The following PEBP4 variants were observed in gnomAD, a reference collection of about 807,000 sequenced individuals.
The protein encoded by PEBP4 is phosphatidylethanolamine binding protein 4.
In PEBP4, 22 loss-of-function variants were observed where a neutral mutation model predicts 23.9. That is an observed-to-expected ratio of 0.92 (90% CI 0.66 to 1.31). PEBP4 has a LOEUF of 1.31. Among genes scored for constraint, PEBP4 ranks in the 40% most tolerant of loss-of-function variants. The pLI, the probability that PEBP4 is intolerant of heterozygous loss-of-function variation, is 0.00. For synonymous variants in PEBP4, 112 were observed against 99.3 expected (o/e 1.13, Z -0.76); for missense variants, 324 against 281.7 (o/e 1.15, Z -1.07).
intron 4 of PEBP4, among the ~76,000 whole-genome samples, chr8:22,745,260 G>A (rs1328982848): frequency 1.3e-5 from 2 of 152,154 alleles, no homozygotes; most frequent in African/African-American, 4.8e-5. Flanking sequence ...CTCGACTTAG[G>A]GGACCCTGTG....
chr8:22,796,868 A>C (rs1476596163), intron 4 of PEBP4, among the ~76,000 whole-genome samples: 1 of 152,110 alleles, frequency 6.6e-6, no homozygotes. Flanking sequence ...GGTGATGGGT[A>C]CACTGAAAGC....
intron 4 of PEBP4, among the ~76,000 whole-genome samples, chr8:22,743,006 C>T (rs929662873): frequency 2.6e-5 from 4 of 152,112 alleles, no homozygotes; most frequent in African/African-American, 9.7e-5. Flanking sequence ...TGCATAGACT[C>T]TCTGCCAGCT....
intron 3 of PEBP4, among the ~76,000 whole-genome samples, chr8:22,833,348 T>C (rs1232769333): frequency 6.6e-6 from 1 of 152,182 alleles, no homozygotes; most frequent in Non-Finnish European, 1.5e-5. Context: ...TTCTGTTTTT[T>C]TGAGATAGGG....
At chr8:22,714,244 G>A (rs887221881) in intron 6 of PEBP4, among the ~76,000 whole-genome samples, 7 of 152,192 alleles carry the variant, frequency 4.6e-5, no homozygotes, top group African/African-American at 1.7e-4. Flanking sequence ...TGGGGCAAGT[G>A]TGAACAGGCC....
At chr8:22,804,462 TTTTC>T (rs766553423) in intron 4 of PEBP4, among the ~76,000 whole-genome samples, 20 of 152,138 alleles carry the variant, frequency 1.3e-4, no homozygotes, top group Non-Finnish European at 2.4e-4. Context: ...GATGCACATT[TTTTC>T]TTTCTTTCTT....
At chr8:22,876,268 G>A (rs1808119813) in intron 3 of PEBP4, among the ~76,000 whole-genome samples, 1 of 152,126 alleles carries the variant, frequency 6.6e-6, no homozygotes, top group Non-Finnish European at 1.5e-5. Context: ...CTGCTAACAC[G>A]TACCATGCGT....
intron 4 of PEBP4, among the ~76,000 whole-genome samples, chr8:22,811,276 C>G (rs763309638): frequency 6.6e-6 from 1 of 152,108 alleles, no homozygotes; most frequent in Non-Finnish European, 1.5e-5. Flanking sequence ...AAACACTGCT[C>G]ACATGGATAA....
chr8:22,933,679 C>T (rs561573760), intron 1 of PEBP4, among the ~76,000 whole-genome samples: 2 of 152,260 alleles, frequency 1.3e-5, no homozygotes, highest in African/African-American at 4.8e-5. Context: ...GAAAGTAGAT[C>T]TTCAGGTTGA....
chr8:22,754,031 G>A (rs1805324525), intron 4 of PEBP4, among the ~76,000 whole-genome samples: 1 of 152,204 alleles, frequency 6.6e-6, no homozygotes, highest in Non-Finnish European at 1.5e-5. Flanking sequence ...AACGAGGGTT[G>A]CTGATGGGGT....
At position 22,791,238 on chromosome 8, in the gene PEBP4, G is replaced by A. The variant is rs536658063; in HGVS notation, c.357+26399C>T. Among the ~76,000 whole-genome samples, 7 of 152,246 alleles carry A rather than the reference G, an allele frequency of 4.6e-5. No homozygotes were observed. In the East Asian group the frequency reaches 1.4e-3, roughly 29 times the overall value. ...GGGCTCCTGGAGAAGCTCGGGCTGA[G>A]GAGCAGAGAAGGGAGCAGCCTCAGA... On this transcript the variant is annotated intron_variant, in intron 4 of 6. Transcript: ENST00000256404.
chr8:22,759,097 G>C (rs1315596377), intron 4 of PEBP4, among the ~76,000 whole-genome samples: 1 of 152,166 alleles, frequency 6.6e-6, no homozygotes, highest in East Asian at 1.9e-4. Context: ...AGTGATCCCA[G>C]GTGGCTAGAG....
chr8:22,791,095 G>T (rs1475438311), intron 4 of PEBP4, among the ~76,000 whole-genome samples: 1 of 152,126 alleles, frequency 6.6e-6, no homozygotes, highest in East Asian at 1.9e-4. Flanking sequence ...CTGCACCATT[G>T]CCCTAAAGGG....
chr8:22,879,531 A>C (rs1483370455), intron 3 of PEBP4: 1 of 152,246 alleles, frequency 6.6e-6, no homozygotes, highest in Non-Finnish European at 1.5e-5. Context: ...CCAGCTCTTC[A>C]ATCTACAGAA....
At chr8:22,908,671 T>C (rs548066262) in intron 3 of PEBP4, among the ~76,000 whole-genome samples, 11 of 152,310 alleles carry the variant, frequency 7.2e-5, no homozygotes, top group African/African-American at 1.9e-4. Context: ...AAGTGTTCCA[T>C]AGGCCAAGGA....
intron 3 of PEBP4, among the ~76,000 whole-genome samples, chr8:22,850,012 G>A (rs1019361418): frequency 2.0e-5 from 3 of 151,776 alleles, no homozygotes; most frequent in African/African-American, 7.3e-5. Context: ...AAGAGCTTGT[G>A]TATGACTTGT....
chr8:22,719,434 G>A (rs1804477623), intron 6 of PEBP4, among the ~76,000 whole-genome samples: 2 of 152,164 alleles, frequency 1.3e-5, no homozygotes, highest in South Asian at 4.1e-4. Flanking sequence ...GGCACAGACC[G>A]CAGCTCCCCA....
At chr8:22,876,492 G>A (rs1808124136) in intron 3 of PEBP4, among the ~76,000 whole-genome samples, 1 of 152,194 alleles carries the variant, frequency 6.6e-6, no homozygotes. Context: ...TTCCAGGAGA[G>A]GGTTGGCAGG....
intron 3 of PEBP4, among the ~76,000 whole-genome samples, chr8:22,855,653 C>G (rs932069096): frequency 3.9e-5 from 6 of 152,044 alleles, no homozygotes; most frequent in Admixed American, 1.3e-4. Flanking sequence ...GGAAGACCTT[C>G]CCAATGATGA....
intron 4 of PEBP4, among the ~76,000 whole-genome samples, chr8:22,736,268 TAAAG>T (rs1034507317): frequency 1.3e-5 from 2 of 152,098 alleles, no homozygotes; most frequent in African/African-American, 4.8e-5. Context: ...AGGAAAGAAA[TAAAG>T]AACACAATAT....
Sources: gnomAD v4.1 joint callset for allele counts (sites outside exome capture counted in the v4.1 genomes callset) on GRCh38, gnomAD v4.1.1 for gene constraint, MANE v1.5 for transcripts, NCBI Gene and HGNC (gene_info 2026-07-23, HGNC 2026-07-21) for gene names.